The following MALT1 variants were observed in gnomAD, a reference collection of about 807,000 sequenced individuals.
MALT1 encodes MALT1 paracaspase.
A neutral mutation model predicts 85.5 loss-of-function variants in MALT1; 36 were observed. The ratio of observed to expected loss-of-function variants is 0.42; its 90% CI spans 0.32 to 0.56. The LOEUF is 0.56. Ranked by LOEUF, MALT1 falls within the 20% of genes least tolerant of loss-of-function variation. The probability of loss-of-function intolerance (pLI) is 0.10; values close to 1 mark genes in which losing one functional copy is unlikely to be tolerated. For missense variants in MALT1, 716 were observed against 981.6 expected (o/e 0.73, Z 3.62); for synonymous variants, 359 against 361.3 (o/e 0.99, Z 0.07).
intron 13 of MALT1, among the ~76,000 whole-genome samples, chr18:58,739,396 T>C (rs1196256794): frequency 6.6e-6 from 1 of 152,222 alleles, no homozygotes; most frequent in Non-Finnish European, 1.5e-5. Flanking sequence ...GAATGTAGCG[T>C]AGGCCTTGTG....
chr18:58,715,180 T>C (rs946142109), intron 8 of MALT1, among the ~76,000 whole-genome samples: 5 of 152,226 alleles, frequency 3.3e-5, no homozygotes, highest in African/African-American at 1.2e-4. Context: ...TAGAATCCCC[T>C]TTCCTAAATT....
At position 58,745,676 on chromosome 18, in the gene MALT1, T is replaced by A; in HGVS notation, c.1922T>A (p.Ile641Asn). ...YVTDFPLDLD[I>N]DPKDANKGTP... ...TTTTTTTTTTTACAGGATCTAGATATTGATCCAAAAGATGCAAATAAAGGC... is the reference window on the plus strand; with the variant it reads ...TTTTTTTTTTTACAGGATCTAGATAATGATCCAAAAGATGCAAATAAAGGC... The change falls in exon 16 of 17, where the codon ATT becomes AAT. Residue 641 changes from isoleucine to asparagine, a missense_variant. Ile to Asn is a moderately radical substitution (Grantham distance 149). This residue lies in a region of MALT1 where 260 missense variants were observed against 323.7 expected (regional missense o/e 0.80). Coordinates refer to ENST00000649217, the MANE Select transcript of MALT1 (RefSeq NM_006785.4). The A allele has an allele frequency of 6.2e-7, 1 of 1,612,738 alleles. No individual in the cohort carries two copies. Among genetic ancestry groups the A allele is most frequent in the Non-Finnish European group, 8.5e-7 (1 of 1,179,234 alleles).
intron 1 of MALT1, among the ~76,000 whole-genome samples, chr18:58,674,335 C>T (rs1355670670): frequency 6.6e-6 from 1 of 152,090 alleles, no homozygotes; most frequent in Non-Finnish European, 1.5e-5. Flanking sequence ...TGGAGTCACA[C>T]AGAGAGAAGG....
intron 1 of MALT1, among the ~76,000 whole-genome samples, chr18:58,673,056 T>C (rs1037904193): frequency 6.6e-6 from 1 of 152,220 alleles, no homozygotes; most frequent in African/African-American, 2.4e-5. Flanking sequence ...ACTTCTCAAA[T>C]GACAAAGATT....
At chr18:58,694,854 G>A (rs1392996598) in intron 2 of MALT1, among the ~76,000 whole-genome samples, 1 of 152,204 alleles carries the variant, frequency 6.6e-6, no homozygotes, top group South Asian at 2.1e-4. Flanking sequence ...TCTCTCACAG[G>A]TGTTGTCAAG....
chr18:58,727,629 T>G (rs749014558), intron 10 of MALT1, among the ~76,000 whole-genome samples: 14 of 56,626 alleles, frequency 2.5e-4, no homozygotes, highest in Non-Finnish European at 6.1e-4. Context: ...TTTTTTTTTG[T>G]TTTTTTTTTT....
intron 1 of MALT1, among the ~76,000 whole-genome samples, chr18:58,680,939 A>T (rs1349425993): frequency 6.6e-6 from 1 of 151,132 alleles, no homozygotes; most frequent in African/African-American, 2.4e-5. Flanking sequence ...CAAAAAAAAA[A>T]AAAAAAAAAA....
intron 4 of MALT1, 69 bp downstream of exon 4, chr18:58,700,660 C>A: frequency 7.5e-7 from 1 of 1,341,066 alleles, no homozygotes; most frequent in Non-Finnish European, 9.8e-7. Context: ...TAAATGTTTA[C>A]TTTTAAACAA....
At chr18:58,716,009 G>A (rs754510713) in intron 9 of MALT1, 42 bp downstream of exon 9, 9 of 1,398,492 alleles carry the variant, frequency 6.4e-6, no homozygotes, top group Non-Finnish European at 9.0e-6. Flanking sequence ...TATAATTATT[G>A]TGTATAACTC....
At chr18:58,737,509 G>A (rs1485504388) in intron 13 of MALT1, among the ~76,000 whole-genome samples, 4 of 151,898 alleles carry the variant, frequency 2.6e-5, no homozygotes, top group African/African-American at 9.7e-5. Flanking sequence ...ATTCCAGAGG[G>A]AGAAAAGTAT....
rs2054455723 is a variant in MALT1, at chr18:58,689,094, G to A, written c.377-7272G>A. Reference sequence around the variant, plus strand: ...TTCAGCCCAGGAGGTTGACACTGCAGTGAGCCCTGATCATGCCACTGCACT... The same window carrying A: ...TTCAGCCCAGGAGGTTGACACTGCAATGAGCCCTGATCATGCCACTGCACT... On this transcript the variant is annotated intron_variant, in intron 2 of 16. Transcript: ENST00000649217. 2.0e-5 allele frequency among the ~76,000 whole-genome samples: 3 copies of A among 152,132 alleles called. No individual in the cohort carries two copies. In the South Asian group the frequency reaches 6.2e-4, roughly 32 times the overall value.
At chr18:58,721,048 A>AG (rs2054975292) in intron 9 of MALT1, among the ~76,000 whole-genome samples, 1 of 152,234 alleles carries the variant, frequency 6.6e-6, no homozygotes, top group South Asian at 2.1e-4. Flanking sequence ...TTGCTGTAGC[A>AG]GGTACTTTAG....
chr18:58,743,988 G>A (rs1382341822), intron 14 of MALT1, among the ~76,000 whole-genome samples: 1 of 151,112 alleles, frequency 6.6e-6, no homozygotes, highest in Non-Finnish European at 1.5e-5. Flanking sequence ...TTAACAGAAT[G>A]GTTAAAGGTA....
In MALT1 at chr18:58,723,033, C is replaced by CTTTTTTT; in HGVS notation, c.1019-12_1019-6dup. On this transcript the variant is annotated splice_polypyrimidine_tract_variant and intron_variant, in intron 9 of 16. Transcript: ENST00000649217. ...TATATCTTCTTTAAACACCCCCTTT[C>CTTTTTTT]TTTTTTTTTCAAAGCGAAGGACAAG... 6.4e-7 allele frequency: 1 copy of CTTTTTTT among 1,574,068 alleles called. No homozygotes were observed. Among genetic ancestry groups the CTTTTTTT allele is most frequent in the African/African-American group, 1.4e-5 (1 of 73,666 alleles).
intron 13 of MALT1, among the ~76,000 whole-genome samples, chr18:58,739,808 T>TATAC (rs769913067): frequency 6.6e-6 from 1 of 150,878 alleles, no homozygotes; most frequent in African/African-American, 2.4e-5. Context: ...TGTACACACA[T>TATAC]ACACACACAC....
chr18:58,706,644 A>G (rs1238461743), intron 4 of MALT1, among the ~76,000 whole-genome samples: 1 of 152,150 alleles, frequency 6.6e-6, no homozygotes, highest in Non-Finnish European at 1.5e-5. Context: ...TGTAAAAATT[A>G]TTTGTGTAAT....
chr18:58,706,525 G>C (rs533535946), intron 4 of MALT1, among the ~76,000 whole-genome samples: 15 of 152,270 alleles, frequency 9.9e-5, no homozygotes, highest in African/African-American at 3.6e-4. Context: ...TGGCACTCTT[G>C]AGTCTTTCCT....
intron 3 of MALT1, among the ~76,000 whole-genome samples, chr18:58,699,387 ATCC>A (rs1279761248): frequency 1.7e-4 from 26 of 152,210 alleles, no homozygotes; most frequent in African/African-American, 6.0e-4. Context: ...GCAGCCTGTC[ATCC>A]CAGTTGTCAC....
At chr18:58,730,956 G>A (rs755018614) in intron 10 of MALT1, among the ~76,000 whole-genome samples, 3 of 151,948 alleles carry the variant, frequency 2.0e-5, no homozygotes, top group Admixed American at 1.3e-4. Context: ...CAAGTCATTA[G>A]TCTTTTTTTT....
Sources: allele counts gnomAD v4.1 joint callset (sites outside exome capture counted in the v4.1 genomes callset), GRCh38; gene constraint gnomAD v4.1.1; regional missense constraint gnomAD v4.1.1; transcripts MANE v1.5; gene names NCBI Gene and HGNC (gene_info 2026-07-23, HGNC 2026-07-21).